Variants in COL4A4 observed in about 807,000 individuals in gnomAD.
COL4A4 encodes collagen type IV alpha 4 chain.
COL4A4 carries 105 observed loss-of-function variants against 192.9 expected under a neutral mutation model. The observed-to-expected ratio is 0.54, with a 90% confidence interval of 0.46 to 0.64. The LOEUF (loss-of-function observed/expected upper bound fraction) is 0.64, where lower values mean the gene tolerates loss of function less well. Ranked by LOEUF, COL4A4 falls within the 30% of genes least tolerant of loss-of-function variation. COL4A4 has a pLI of 0.00. For missense variants in COL4A4, 1,967 were observed against 2,169.3 expected, an observed-to-expected ratio of 0.91 and a Z score of 1.85; for synonymous variants, 762 against 769.9, an observed-to-expected ratio of 0.99 and a Z score of 0.17.
intron 12 of COL4A4, among the ~76,000 whole-genome samples, chr2:227,107,488 C>G (rs1200095897): frequency 2.6e-5 from 4 of 152,192 alleles, no homozygotes; most frequent in Admixed American, 2.6e-4. Flanking sequence ...ATCACAGGCA[C>G]TTCCCCACAT....
At chr2:227,109,050 A>C (rs2061021998) in intron 10 of COL4A4, 174 bp downstream of exon 10, 18 of 881,042 alleles carry the variant, frequency 2.0e-5, no homozygotes, top group Non-Finnish European at 3.5e-5. Context: ...GCTCATCCGC[A>C]GGGACCTGTG....
At chr2:226,983,687 T>G in the COL4A4 span, among the ~76,000 whole-genome samples, 1 of 151,952 alleles carries the variant, frequency 6.6e-6, no homozygotes, top group Non-Finnish European at 1.5e-5. Flanking sequence ...CGTGCAAAGG[T>G]TAAGGAGTGT....
chr2:226,991,431 C>T, the COL4A4 span, among the ~76,000 whole-genome samples: 1 of 152,218 alleles, frequency 6.6e-6, no homozygotes, highest in Non-Finnish European at 1.5e-5. Flanking sequence ...CCGCCCGCCT[C>T]AGCCTCCCAA....
intron 3 of COL4A4, among the ~76,000 whole-genome samples, chr2:227,142,803 T>C (rs2125327269): frequency 6.6e-6 from 1 of 152,070 alleles, no homozygotes; most frequent in Middle Eastern, 3.4e-3. Context: ...TAATGTCTTA[T>C]ACTTGTAATT....
In COL4A4 at chr2:227,003,143, C is replaced by G. The variant is rs1961384294; in HGVS notation, c.*4182G>C. 3 of 152,122 alleles carry G rather than the reference C, an allele frequency of 2.0e-5. No individual in the cohort carries two copies. Among genetic ancestry groups the G allele is most frequent in the African/African-American group, 7.2e-5 (3 of 41,462 alleles). The allele number at this position is 152,122 out of a possible 1,614,324, so 9.4% of individuals were successfully genotyped here. On this transcript the variant is annotated 3_prime_UTR_variant, in exon 48 of 48. Transcript: ENST00000396625. Reference sequence around the variant, plus strand: ...TGAGGATTGAAATGAAACAGCATTCCCAATGACATTAAGAATTGGCCACAT... The same window carrying G: ...TGAGGATTGAAATGAAACAGCATTCGCAATGACATTAAGAATTGGCCACAT...
At chr2:227,055,422 G>A (rs1975090716) in intron 30 of COL4A4, among the ~76,000 whole-genome samples, 2 of 151,946 alleles carry the variant, frequency 1.3e-5, no homozygotes, top group Non-Finnish European at 2.9e-5. Context: ...TTGAGCCCAG[G>A]AGTTCAAGGC....
chr2:227,048,938 A>T (rs900501577), intron 34 of COL4A4, among the ~76,000 whole-genome samples: 2 of 152,224 alleles, frequency 1.3e-5, no homozygotes, highest in Non-Finnish European at 2.9e-5. Context: ...CATGTTTGTT[A>T]TAGCATTTAG....
At chr2:227,121,561 C>CAAAAAAA (rs766680844) in intron 4 of COL4A4, among the ~76,000 whole-genome samples, 9 of 58,852 alleles carry the variant, frequency 1.5e-4, no homozygotes, top group East Asian at 4.7e-4. Context: ...GACCCTATCT[C>CAAAAAAA]AAAAAAAAAA....
chr2:227,114,287 G>A (rs1167339026), intron 8 of COL4A4, among the ~76,000 whole-genome samples: 1 of 152,216 alleles, frequency 6.6e-6, no homozygotes, highest in Non-Finnish European at 1.5e-5. Flanking sequence ...GAGGCCAGAG[G>A]CCAGGGATTC....
chr2:227,111,544 A>C, intron 9 of COL4A4, 134 bp downstream of exon 9: 1 of 943,682 alleles, frequency 1.1e-6, no homozygotes, highest in Non-Finnish European at 1.7e-6. Context: ...TAATTTTTGA[A>C]CAGGGAACCC....
Position 227,007,182 on chromosome 2 carries a change from C to G in COL4A4, c.*143G>C. The G allele has an allele frequency of 1.7e-6, 2 of 1,186,644 alleles. No individual in the cohort carries two copies. The highest frequency in any genetic ancestry group is 4.7e-5 in the East Asian group (2 of 42,870). 73.5% of individuals were successfully genotyped at this position (1,186,644 alleles called of 1,614,324 possible). A position where few individuals can be genotyped will look rare whatever the true frequency, so the allele number is the denominator to read the frequency against. ...GCTTAATGTGTAAGGAACCAGAGGA[C>G]TCTGGGAATAACCACGACAAAACAG... is the stretch of plus-strand genomic sequence containing the variant. On this transcript the variant is annotated 3_prime_UTR_variant, in exon 48 of 48. Transcript: ENST00000396625.
At position 227,008,147 on chromosome 2, in the gene COL4A4, G is replaced by A; in HGVS notation, c.4680C>T (p.Arg1560=). Residue 1560 remains arginine (R), a synonymous_variant, in exon 47 of 48, where the codon CGC becomes CGT. Transcript: ENST00000396625. ...ATACCGCACAGCGGCTGACATAGGG[G>A]CGGATCGCCTCTTCAGAGAGTGGCA... The part of the protein sequence containing the change: ...PMMPLSEEAI[R]PYVSRCAVCE... 2 of 1,614,026 alleles carry A rather than the reference G, an allele frequency of 1.2e-6. No homozygotes were observed. Among genetic ancestry groups the A allele is most frequent in the Non-Finnish European group, 1.7e-6 (2 of 1,179,890 alleles).
At chr2:227,081,766 G>C (rs1342633796) in intron 23 of COL4A4, among the ~76,000 whole-genome samples, 3 of 152,100 alleles carry the variant, frequency 2.0e-5, no homozygotes, top group Non-Finnish European at 4.4e-5. Flanking sequence ...ACGATTTCAA[G>C]CTGGGCTTCT....
At chr2:227,061,423 C>T (rs1459733026) in intron 26 of COL4A4, among the ~76,000 whole-genome samples, 1 of 152,096 alleles carries the variant, frequency 6.6e-6, no homozygotes, top group Non-Finnish European at 1.5e-5. Flanking sequence ...CTGAGCTGGC[C>T]CTCTTGCATT....
chr2:227,145,680 T>G (rs1010930317), intron 2 of COL4A4, among the ~76,000 whole-genome samples: 1 of 152,192 alleles, frequency 6.6e-6, no homozygotes. Context: ...CTCTAAAACC[T>G]CATGTCCTAA....
chr2:227,055,821 T>C (rs1975199141), intron 30 of COL4A4, 124 bp downstream of exon 30: 1 of 859,964 alleles, frequency 1.2e-6, no homozygotes, highest in Admixed American at 2.3e-5. Context: ...GAGGCATCAT[T>C]AAGGGAAGGA....
At chr2:227,032,554 A>C (rs967833556) in intron 38 of COL4A4, among the ~76,000 whole-genome samples, 3 of 152,250 alleles carry the variant, frequency 2.0e-5, no homozygotes, top group Non-Finnish European at 2.9e-5. Context: ...CAATGGAGAG[A>C]GTAAAAACAA....
intron 9 of COL4A4, among the ~76,000 whole-genome samples, chr2:227,111,247 AAATAT>A (rs1290363213): frequency 6.6e-6 from 1 of 152,234 alleles, no homozygotes; most frequent in African/African-American, 2.4e-5. Context: ...GCAAAATATT[AAATAT>A]AATATACAAA....
At chr2:226,998,954 C>T (rs1960228781), downstream of COL4A4, 1 of 152,248 alleles carries the variant, frequency 6.6e-6, no homozygotes, top group Admixed American at 6.5e-5. Flanking sequence ...ACAGCTCTTT[C>T]CTCTCTCTTG....
Sources: gnomAD v4.1 joint callset for allele counts (sites outside exome capture counted in the v4.1 genomes callset) on GRCh38, gnomAD v4.1.1 for gene constraint, MANE v1.5 for transcripts, NCBI Gene and HGNC (gene_info 2026-07-23, HGNC 2026-07-21) for gene names.